The following MOBP variants were observed in gnomAD, a reference collection of about 807,000 sequenced individuals.
MOBP encodes myelin associated oligodendrocyte basic protein.
In MOBP, 5 loss-of-function variants were observed where a neutral mutation model predicts 15.0. The ratio of observed to expected loss-of-function variants is 0.33; its 90% CI spans 0.17 to 0.70. MOBP has a LOEUF of 0.70. MOBP is among the 30% of genes least tolerant of loss of function. MOBP has a pLI of 0.67. For synonymous variants in MOBP, 88 were observed against 99.0 expected, an observed-to-expected ratio of 0.89 and a Z score of 0.66; for missense variants, 188 against 257.8, an observed-to-expected ratio of 0.73 and a Z score of 1.85.
At chr3:39,495,425 T>C (rs1351804684) in intron 2 of MOBP, among the ~76,000 whole-genome samples, 1 of 151,466 alleles carries the variant, frequency 6.6e-6, no homozygotes, top group Non-Finnish European at 1.5e-5. Flanking sequence ...AATGTACATA[T>C]ATGAAGCATT....
intron 2 of MOBP, among the ~76,000 whole-genome samples, chr3:39,480,916 T>C (rs1027426190): frequency 2.0e-5 from 3 of 152,242 alleles, no homozygotes; most frequent in African/African-American, 7.2e-5. Context: ...ACTTCCTTTC[T>C]TTTCATTTGT....
exon 5 of MOBP, chr3:39,515,957 C>A (rs2043196793): frequency 1.3e-5 from 2 of 152,194 alleles, no homozygotes; most frequent in African/African-American, 2.4e-5. Flanking sequence ...CCCCCTCCCC[C>A]CACATTCCTG....
downstream of MOBP, chr3:39,529,118 T>C (rs192856313): frequency 9.2e-5 from 14 of 152,258 alleles, no homozygotes; most frequent in African/African-American, 3.1e-4. Context: ...GTTAGGTAAG[T>C]GGACAGTGAT....
chr3:39,513,320 A>G, intron 4 of MOBP: 1 of 1,426,012 alleles, frequency 7.0e-7, no homozygotes, highest in South Asian at 1.2e-5. Flanking sequence ...AACACAGAGA[A>G]AGAGAGAGAG....
At chr3:39,517,132 G>A (rs1325579249), downstream of MOBP, among the ~76,000 whole-genome samples, 5 of 152,174 alleles carry the variant, frequency 3.3e-5, no homozygotes, top group Non-Finnish European at 7.3e-5. Flanking sequence ...AGGGTCAGGT[G>A]TGCAGTTGTT....
downstream of MOBP, among the ~76,000 whole-genome samples, chr3:39,506,483 T>C (rs902660491): frequency 2.0e-5 from 3 of 152,050 alleles, no homozygotes; most frequent in Non-Finnish European, 4.4e-5. Flanking sequence ...AAAAAAGCAT[T>C]ATCTAACCAA....
exon 5 of MOBP, chr3:39,513,517 TA>T: frequency 7.7e-7 from 1 of 1,302,192 alleles, no homozygotes; most frequent in Middle Eastern, 1.9e-4. Context: ...TGGCTTCAAA[TA>T]TTATGCAGGG....
In MOBP at chr3:39,469,152, A is replaced by ATG. The variant is rs1491093618; in HGVS notation, c.-89+1413_-89+1414insGT. Among the ~76,000 whole-genome samples, 4 of 90,802 alleles carry ATG rather than the reference A, an allele frequency of 4.4e-5. 1 individual carries two copies. Among genetic ancestry groups the ATG allele is most frequent in the Non-Finnish European group, 7.6e-5 (4 of 52,870 alleles). 59.6% of individuals were successfully genotyped at this position (90,802 alleles called of 152,430 possible). A position where few individuals can be genotyped will look rare whatever the true frequency, so the allele number is the denominator to read the frequency against. ...TATGTGTGTGTATATACATATATAC[A>ATG]TATGTGTGTGTGTATACATATATAC... On this transcript the variant is annotated intron_variant, in intron 1 of 3. Transcript: ENST00000684792.
chr3:39,496,784 C>T (rs2042892331), intron 2 of MOBP, among the ~76,000 whole-genome samples: 1 of 152,166 alleles, frequency 6.6e-6, no homozygotes, highest in Non-Finnish European at 1.5e-5. Flanking sequence ...CTGCCTCAGC[C>T]TCTCAAGTAG....
At chr3:39,506,686 G>A (rs1481117296), downstream of MOBP, among the ~76,000 whole-genome samples, 3 of 152,202 alleles carry the variant, frequency 2.0e-5, no homozygotes, top group Admixed American at 6.5e-5. Flanking sequence ...AGCTTGTTAA[G>A]GAGATGGCAA....
At chr3:39,520,604 G>A (rs1404777088), downstream of MOBP, among the ~76,000 whole-genome samples, 1 of 151,954 alleles carries the variant, frequency 6.6e-6, no homozygotes, top group Non-Finnish European at 1.5e-5. Context: ...GACAGAGAGA[G>A]AGAGAAGAGA....
At position 39,502,296 on chromosome 3, in the gene MOBP, G is replaced by A. The variant is rs765876476; in HGVS notation, c.206+21G>A. 7 of 1,613,356 alleles carry A rather than the reference G, an allele frequency of 4.3e-6. No homozygotes were observed. The South Asian group carries it at 4.4e-5, about 10-fold the overall frequency. ...ACCAGGTAAGCGGCCGCCCAGCCCC[G>A]CGGCACCAGTTGGGCACAGCGCGTG... On this transcript the variant is annotated intron_variant, in intron 3 of 3. Transcript: ENST00000684792. The surrounding 1 kb of genome is among the most constrained non-coding windows in gnomAD (Gnocchi z 6.3).
intron 1 of MOBP, among the ~76,000 whole-genome samples, chr3:39,475,595 T>G (rs578158398): frequency 1.3e-5 from 2 of 152,218 alleles, no homozygotes; most frequent in African/African-American, 4.8e-5. Context: ...ATTTATTTAT[T>G]TATTCAGTTA....
At chr3:39,471,181 G>A (rs1264240757) in intron 1 of MOBP, among the ~76,000 whole-genome samples, 1 of 148,884 alleles carries the variant, frequency 6.7e-6, no homozygotes, top group Non-Finnish European at 1.5e-5. Context: ...AGGCTGGAGT[G>A]CAGTGCACCA....
At chr3:39,481,624 C>T (rs544697275) in intron 2 of MOBP, among the ~76,000 whole-genome samples, 10 of 152,328 alleles carry the variant, frequency 6.6e-5, no homozygotes, top group Admixed American at 2.0e-4. Context: ...ACGTGATTCT[C>T]TAGCTACTTC....
At chr3:39,491,097 A>T (rs3856566) in intron 2 of MOBP, among the ~76,000 whole-genome samples, 45,340 of 152,106 alleles carry the variant, frequency 0.3, 9,141 homozygotes, top group African/African-American at 0.57. Context: ...TCTGTTCCTT[A>T]AAGTGGGAAC....
At chr3:39,488,935 T>C (rs1215669509) in intron 2 of MOBP, among the ~76,000 whole-genome samples, 1 of 152,228 alleles carries the variant, frequency 6.6e-6, no homozygotes, top group Non-Finnish European at 1.5e-5. Context: ...AAGCTAAATA[T>C]GAAGATTTAT....
downstream of MOBP, among the ~76,000 whole-genome samples, chr3:39,507,786 A>T (rs1465814930): frequency 6.6e-6 from 1 of 152,166 alleles, no homozygotes; most frequent in Non-Finnish European, 1.5e-5. Context: ...TTCTCTTCCA[A>T]CTTGTTTGCC....
intron 2 of MOBP, among the ~76,000 whole-genome samples, chr3:39,492,289 A>G (rs1469224223): frequency 1.3e-5 from 2 of 152,164 alleles, no homozygotes; most frequent in African/African-American, 4.8e-5. Flanking sequence ...AAGGCCTAGC[A>G]GAGGACACCA....
Sources: allele counts gnomAD v4.1 joint callset (sites outside exome capture counted in the v4.1 genomes callset), GRCh38; gene constraint gnomAD v4.1.1; non-coding constraint Gnocchi (gnomAD v3.1); transcripts MANE v1.5; gene names NCBI Gene and HGNC (gene_info 2026-07-23, HGNC 2026-07-21).